The following FANCB variants were observed in gnomAD, a reference collection of about 807,000 sequenced individuals.
FANCB encodes the protein FA complementation group B, also known as Fanconi anemia group B protein.
A neutral mutation model predicts 38.9 loss-of-function variants in FANCB; 5 were observed. That is an observed-to-expected ratio of 0.13 (90% CI 0.07 to 0.27). The LOEUF (loss-of-function observed/expected upper bound fraction) is 0.27, where lower values mean the gene tolerates loss of function less well. Ranked by LOEUF, FANCB falls within the 10% of genes least tolerant of loss-of-function variation. The probability of loss-of-function intolerance (pLI) is 1.00; values close to 1 mark genes in which losing one functional copy is unlikely to be tolerated. For missense variants in FANCB, 573 were observed against 602.7 expected (o/e 0.95, Z 0.52); for synonymous variants, 236 against 215.4 (o/e 1.10, Z -0.84).
At chrX:14,746,945 C>T in the FANCB span, among the ~76,000 whole-genome samples, 1 of 111,537 alleles carries the variant, frequency 9.0e-6, no homozygotes, top group Non-Finnish European at 1.9e-5. Context: ...AGAATTGGAA[C>T]ATTACATGGT....
chrX:14,797,097 T>G, the FANCB span, among the ~76,000 whole-genome samples: 2 of 111,721 alleles, frequency 1.8e-5, no homozygotes, highest in Admixed American at 1.9e-4. Flanking sequence ...CATCTGAAAA[T>G]ACTCTCACAT....
the FANCB span, among the ~76,000 whole-genome samples, chrX:14,810,638 C>G: frequency 9.0e-6 from 1 of 111,355 alleles, no homozygotes; most frequent in Non-Finnish European, 1.9e-5. Flanking sequence ...AAGAAACGAA[C>G]AAAGCCTCCA....
At chrX:14,774,572 G>A in the FANCB span, among the ~76,000 whole-genome samples, 1 of 111,917 alleles carries the variant, frequency 8.9e-6, no homozygotes, top group Admixed American at 9.4e-5. Context: ...AATTTTAAAG[G>A]TAAAACTTTG....
the FANCB span, among the ~76,000 whole-genome samples, chrX:14,777,425 T>G: frequency 8.9e-6 from 1 of 112,107 alleles, no homozygotes; most frequent in African/African-American, 3.2e-5. Context: ...GAGATTACAA[T>G]TTGCATTACT....
At chrX:14,818,115 A>T in the FANCB span, among the ~76,000 whole-genome samples, 5 of 111,320 alleles carry the variant, frequency 4.5e-5, no homozygotes, top group Admixed American at 9.6e-5. Context: ...AAAAAATTAG[A>T]TCTGATGGGT....
the FANCB span, among the ~76,000 whole-genome samples, chrX:14,717,686 T>A: frequency 9.8e-6 from 1 of 102,382 alleles, no homozygotes; most frequent in Non-Finnish European, 1.9e-5. Flanking sequence ...ATGGAGTACA[T>A]CATGAATTAG....
intron 1 of FANCB, among the ~76,000 whole-genome samples, chrX:14,871,823 AT>A (rs774037981): frequency 7.5e-4 from 75 of 100,516 alleles, no homozygotes; most frequent in South Asian, 1.3e-3. Flanking sequence ...GCCATGTACT[AT>A]TTTTTTTTTT....
At chrX:14,730,156 T>C in the FANCB span, 1 of 982,803 alleles carries the variant, frequency 1.0e-6, no homozygotes, top group South Asian at 2.1e-5. Context: ...GCATCTTCCA[T>C]CTAACTTGAC....
chrX:14,839,045 CTTTGGG>C, downstream of FANCB, among the ~76,000 whole-genome samples: 1 of 111,363 alleles, frequency 9.0e-6, no homozygotes, highest in South Asian at 3.8e-4. Flanking sequence ...AATCCCAGCA[CTTTGGG>C]AGGAGGTCGA....
At chrX:14,789,526 A>G in the FANCB span, among the ~76,000 whole-genome samples, 1 of 112,224 alleles carries the variant, frequency 8.9e-6, no homozygotes, top group African/African-American at 3.2e-5. Context: ...AATTATAACA[A>G]TGAAAGTAAT....
At chrX:14,741,520 C>G in the FANCB span, among the ~76,000 whole-genome samples, 2 of 111,587 alleles carry the variant, frequency 1.8e-5, no homozygotes, top group African/African-American at 3.3e-5. Flanking sequence ...CCAGCTAGTA[C>G]AGCAACCCCC....
At chrX:14,718,014 A>G in the FANCB span, among the ~76,000 whole-genome samples, 1 of 111,130 alleles carries the variant, frequency 9.0e-6, no homozygotes, top group Non-Finnish European at 1.9e-5. Flanking sequence ...CTAATGTATC[A>G]TTACTGAGAT....
At chrX:14,830,727 T>C in the FANCB span, among the ~76,000 whole-genome samples, 1 of 111,800 alleles carries the variant, frequency 8.9e-6, no homozygotes, top group South Asian at 3.7e-4. Flanking sequence ...AAGCTGACCA[T>C]GCCACGTGCC....
the FANCB span, chrX:14,731,327 T>A: frequency 1.4e-4 from 16 of 112,241 alleles, no homozygotes; most frequent in African/African-American, 4.9e-4. Context: ...AGTTAGTGCA[T>A]TATATATATA....
At chrX:14,707,782 G>A in the FANCB span, among the ~76,000 whole-genome samples, 23 of 110,154 alleles carry the variant, frequency 2.1e-4, no homozygotes, top group African/African-American at 5.3e-4. Flanking sequence ...GTGCACGCGC[G>A]CGTGTTGCAT....
chrX:14,857,921 A>G lies in FANCB; in HGVS notation c.1138T>C (p.Phe380Leu), dbSNP rs2092429818. The change falls in exon 5 of 10, where the codon TTT (phenylalanine) becomes CTT (leucine). Residue 380 changes from phenylalanine (F) to leucine (L), a missense_variant. Coordinates refer to ENST00000650831, the MANE Select transcript of FANCB (RefSeq NM_001018113.3). ...EPSDCNEDDL[F>L]EDKQENRYLV... ...TAACGATTCTCTTGTTTGTCTTCAA[A>G]TAAGTCATCTTCATTGCAATCTGAT... 4.2e-6 allele frequency: 5 copies of G among 1,181,088 alleles called. No homozygotes were observed. Among genetic ancestry groups the G allele is most frequent in the Non-Finnish European group, 5.8e-6 (5 of 867,899 alleles).
the FANCB span, among the ~76,000 whole-genome samples, chrX:14,746,060 C>T: frequency 1.8e-5 from 2 of 111,200 alleles, no homozygotes; most frequent in South Asian, 7.6e-4. Context: ...ATATTAGGGG[C>T]CCTTTGGGGC....
At chrX:14,731,151 G>C in the FANCB span, 2 of 111,746 alleles carry the variant, frequency 1.8e-5, no homozygotes, top group Non-Finnish European at 3.8e-5. Context: ...AAATAACAAT[G>C]ACAAAATAAA....
At chrX:14,783,885 T>C in the FANCB span, among the ~76,000 whole-genome samples, 1 of 112,606 alleles carries the variant, frequency 8.9e-6, no homozygotes, top group Non-Finnish European at 1.9e-5. Flanking sequence ...ATTGTTGCTG[T>C]AACAAATTAC....
Sources: gnomAD v4.1 joint callset for allele counts (sites outside exome capture counted in the v4.1 genomes callset) on GRCh38, gnomAD v4.1.1 for gene constraint, MANE v1.5 for transcripts, NCBI Gene and HGNC (gene_info 2026-07-23, HGNC 2026-07-21) for gene names.